Variants in NUDT9 observed in about 807,000 individuals in gnomAD.
NUDT9 encodes nudix hydrolase 9.
NUDT9 carries 31 observed loss-of-function variants against 41.0 expected under a neutral mutation model. The ratio of observed to expected loss-of-function variants is 0.76; its 90% CI spans 0.57 to 1.02. The LOEUF is 1.02. NUDT9 is among the 50% of genes least tolerant of loss of function. NUDT9 has a pLI of 0.00. For synonymous variants in NUDT9, 146 were observed against 147.6 expected (o/e 0.99, Z 0.08); for missense variants, 380 against 431.4 (o/e 0.88, Z 1.06).
intron 4 of NUDT9, among the ~76,000 whole-genome samples, chr4:87,443,178 G>T (rs1156569682): frequency 2.0e-5 from 3 of 152,040 alleles, no homozygotes; most frequent in Non-Finnish European, 2.9e-5. Flanking sequence ...CAGCTCCATT[G>T]TAATCTTATG....
In NUDT9 at chr4:87,449,188, G is replaced by T; in HGVS notation, c.577G>T (p.Gly193Trp). 6.2e-7 allele frequency: 1 copy of T among 1,611,254 alleles called. No individual in the cohort carries two copies. The highest frequency in any genetic ancestry group is 8.5e-7 in the Non-Finnish European group (1 of 1,177,538). Residue 193 changes from glycine (G) to tryptophan (W), a missense_variant, in exon 5 of 8, where the codon GGG becomes TGG. Physicochemically the swap from Gly to Trp is radical, Grantham distance 184. Transcript: ENST00000302174. ...AAATAAAATCATGCATCCTGTTTCT[G>T]GGAAGCATATCTTACAATTTGTTGC... ...SGNKIMHPVS[G>W]KHILQFVAIK...
At chr4:87,457,241 T>A (rs1448541332) in intron 7 of NUDT9, among the ~76,000 whole-genome samples, 1 of 148,304 alleles carries the variant, frequency 6.7e-6, no homozygotes, top group Non-Finnish European at 1.5e-5. Context: ...TTTAAATTTT[T>A]TTTTTTTTTT....
chr4:87,438,355 T>C lies in NUDT9; in HGVS notation c.426T>C (p.Ile142=), dbSNP rs1200497998. The change falls in exon 3 of 8, where the codon ATT becomes ATC. Residue 142 remains isoleucine (I), a synonymous_variant. Transcript: ENST00000302174. ...AGAGCAAGAATGGCCTGTATGAGAT[T>C]GAAAATGGAAGACCGAGGTAGGTAC... The part of the protein sequence containing the change: ...ERKSKNGLYE[I]ENGRPRNPAG... 2 of 1,606,022 alleles carry C rather than the reference T, an allele frequency of 1.2e-6. No individual in the cohort carries two copies. Among genetic ancestry groups the C allele is most frequent in the South Asian group, 2.2e-5 (2 of 90,852 alleles).
chr4:87,456,148 G>C (rs1369471511), intron 7 of NUDT9, among the ~76,000 whole-genome samples: 1 of 152,130 alleles, frequency 6.6e-6, no homozygotes, highest in Non-Finnish European at 1.5e-5. Context: ...TATTAAATGA[G>C]GTCTGAAGCA....
In NUDT9 at chr4:87,457,882, A is replaced by G; in HGVS notation, c.914A>G (p.Asp305Gly). 1 of 1,611,400 alleles carries G rather than the reference A, an allele frequency of 6.2e-7. No individual in the cohort carries two copies. The highest frequency in any genetic ancestry group is 1.1e-5 in the South Asian group (1 of 90,772). ...MDNLMLEAGD[D>G]AGKVKWVDIN... ...AATCTTATGCTAGAAGCTGGAGATGATGCTGGAAAAGTGAAATGGGTGGAC... is the reference window on the plus strand; with the variant it reads ...AATCTTATGCTAGAAGCTGGAGATGGTGCTGGAAAAGTGAAATGGGTGGAC... The change falls in exon 8 of 8, where the codon GAT becomes GGT. Residue 305 changes from aspartate to glycine, a missense_variant. Transcript: ENST00000302174.
In NUDT9 at chr4:87,443,054, T is replaced by A. The variant is rs78593979; in HGVS notation, c.530+1139T>A. On this transcript the variant is annotated intron_variant, in intron 4 of 7. Coordinates refer to ENST00000302174, the MANE Select transcript of NUDT9 (RefSeq NM_024047.5). ...TATACTGTATGTGATTGTACTCTTA[T>A]GACTGGCAGTGCAGTAGGTTTGTTT... Among the ~76,000 whole-genome samples, 293 of 152,348 alleles carry A rather than the reference T, an allele frequency of 1.9e-3. 2 individuals carry two copies. The East Asian group carries it at 0.025, about 13-fold the overall frequency.
intron 1 of NUDT9, among the ~76,000 whole-genome samples, chr4:87,430,210 ATTC>A (rs951368076): frequency 3.5e-4 from 53 of 152,352 alleles, no homozygotes; most frequent in African/African-American, 1.2e-3. Context: ...TGGAATGAGG[ATTC>A]CCTCTAGAAG....
chr4:87,424,254 G>GTTTTTTTT (rs147874067), intron 1 of NUDT9, among the ~76,000 whole-genome samples: 3 of 99,182 alleles, frequency 3.0e-5, no homozygotes, highest in Non-Finnish European at 5.6e-5. Flanking sequence ...TCCCTAATGC[G>GTTTTTTTT]TTTTTTTTTT....
At chr4:87,455,932 G>A (rs1722969327) in intron 7 of NUDT9, among the ~76,000 whole-genome samples, 1 of 152,084 alleles carries the variant, frequency 6.6e-6, no homozygotes, top group East Asian at 1.9e-4. Flanking sequence ...AAAGTGCTGG[G>A]ATTACAGTCA....
chr4:87,455,629 CG>C lies in NUDT9; in HGVS notation c.874+1175del, dbSNP rs200695876. On this transcript the variant is annotated intron_variant, in intron 7 of 7. Transcript: ENST00000302174. ...TTAGGCTATGTTTTTTGCCTTTTAGCGTGCTTTTAGTGCTTTTTTTTCTTTT... is the reference window on the plus strand; with the variant it reads ...TTAGGCTATGTTTTTTGCCTTTTAGCTGCTTTTAGTGCTTTTTTTTCTTTT... 8.5e-3 allele frequency among the ~76,000 whole-genome samples: 1,271 copies of C among 150,334 alleles called. 11 individuals carry two copies. Among genetic ancestry groups the C allele is most frequent in the African/African-American group, 0.029 (1,207 of 41,030 alleles).
chr4:87,445,931 C>A (rs984506448), intron 4 of NUDT9, among the ~76,000 whole-genome samples: 1 of 151,406 alleles, frequency 6.6e-6, no homozygotes, highest in Non-Finnish European at 1.5e-5. Flanking sequence ...TAGCATCTCT[C>A]TCTTTTTTTT....
intron 5 of NUDT9, among the ~76,000 whole-genome samples, chr4:87,450,451 C>T (rs1722662781): frequency 1.4e-5 from 2 of 142,158 alleles, no homozygotes; most frequent in Non-Finnish European, 3.0e-5. Context: ...ATGATCTCAG[C>T]TTACTGCAGC....
intron 3 of NUDT9, among the ~76,000 whole-genome samples, chr4:87,440,534 T>C (rs1456041498): frequency 6.6e-6 from 1 of 152,004 alleles, no homozygotes; most frequent in African/African-American, 2.4e-5. Context: ...TGTTCAGGGG[T>C]GTGTGGTTAC....
At position 87,458,616 on chromosome 4, in the gene NUDT9, A is replaced by G. The variant is rs527417172; in HGVS notation, c.*595A>G. ...TAAGAGGAAATTTCAGCCACTAGTC[A>G]ATAGAGATCAAAATCAGTGAACAAG... On this transcript the variant is annotated 3_prime_UTR_variant, in exon 8 of 8. Transcript: ENST00000302174. 6.6e-5 allele frequency: 10 copies of G among 152,344 alleles called. No homozygotes were observed. In the South Asian group the frequency reaches 1.2e-3, roughly 19 times the overall value. 9.4% of individuals were successfully genotyped at this position (152,344 alleles called of 1,614,324 possible). A position where few individuals can be genotyped will look rare whatever the true frequency, so the allele number is the denominator to read the frequency against.
intron 5 of NUDT9, among the ~76,000 whole-genome samples, chr4:87,449,983 C>T (rs1051003298): frequency 6.6e-6 from 1 of 152,116 alleles, no homozygotes; most frequent in Admixed American, 6.6e-5. Flanking sequence ...GTGCCTCAGT[C>T]TCCCAACGTA....
chr4:87,429,721 TC>T, intron 1 of NUDT9, among the ~76,000 whole-genome samples: 1 of 140,690 alleles, frequency 7.1e-6, no homozygotes, highest in Non-Finnish European at 1.5e-5. Context: ...GTCTCTTCTT[TC>T]CCCCTCATCT....
intron 7 of NUDT9, among the ~76,000 whole-genome samples, chr4:87,455,243 T>C (rs1258710100): frequency 6.6e-6 from 1 of 152,214 alleles, no homozygotes; most frequent in Non-Finnish European, 1.5e-5. Flanking sequence ...AGATCTGTCA[T>C]TTCCATATCC....
At chr4:87,430,363 C>T (rs1402874066) in intron 1 of NUDT9, among the ~76,000 whole-genome samples, 1 of 152,170 alleles carries the variant, frequency 6.6e-6, no homozygotes, top group African/African-American at 2.4e-5. Flanking sequence ...TTTTTATTGT[C>T]TTAAGTCATT....
At chr4:87,450,464 C>T (rs563060039) in intron 5 of NUDT9, among the ~76,000 whole-genome samples, 1 of 149,910 alleles carries the variant, frequency 6.7e-6, no homozygotes, top group African/African-American at 2.5e-5. Context: ...ACTGCAGCCT[C>T]CACCTCCTGG....
Sources: allele counts gnomAD v4.1 joint callset (sites outside exome capture counted in the v4.1 genomes callset), GRCh38; gene constraint gnomAD v4.1.1; transcripts MANE v1.5; gene names NCBI Gene and HGNC (gene_info 2026-07-23, HGNC 2026-07-21).